Variants in THSD4 observed in about 807,000 individuals in gnomAD.
The protein encoded by THSD4 is thrombospondin type 1 domain containing 4.
THSD4 carries 69 observed loss-of-function variants against 119.0 expected under a neutral mutation model. That is an observed-to-expected ratio of 0.58 (90% CI 0.48 to 0.71). The LOEUF (loss-of-function observed/expected upper bound fraction) is 0.71, where lower values mean the gene tolerates loss of function less well. THSD4 is among the 30% of genes least tolerant of loss of function. THSD4 has a pLI of 0.00. For missense variants in THSD4, 1,393 were observed against 1,391.1 expected, an observed-to-expected ratio of 1.00 and a Z score of -0.02; for synonymous variants, 524 against 540.4, an observed-to-expected ratio of 0.97 and a Z score of 0.42.
chr15:71,605,546 G>A (rs1237120231), intron 7 of THSD4, among the ~76,000 whole-genome samples: 1 of 152,218 alleles, frequency 6.6e-6, no homozygotes, highest in Non-Finnish European at 1.5e-5. Flanking sequence ...TGGACCACAT[G>A]GCAGCAGTGG....
At chr15:71,751,044 G>GGTCT (rs1432488031) in intron 14 of THSD4, among the ~76,000 whole-genome samples, 1 of 152,120 alleles carries the variant, frequency 6.6e-6, no homozygotes, top group Non-Finnish European at 1.5e-5. Flanking sequence ...GGTGTCAAGA[G>GGTCT]GTCTCCTTTT....
intron 7 of THSD4, among the ~76,000 whole-genome samples, chr15:71,559,111 G>C (rs1471208331): frequency 6.6e-6 from 1 of 152,154 alleles, no homozygotes; most frequent in Non-Finnish European, 1.5e-5. Flanking sequence ...CAAGTCTTCT[G>C]TGTCTTTTCT....
At chr15:71,479,706 C>T (rs1189591211) in intron 7 of THSD4, among the ~76,000 whole-genome samples, 1 of 151,864 alleles carries the variant, frequency 6.6e-6, no homozygotes, top group Non-Finnish European at 1.5e-5. Context: ...AAGTACGTAC[C>T]CTTCACTCTT....
At chr15:71,227,595 A>G (rs941901446) in intron 4 of THSD4, among the ~76,000 whole-genome samples, 2 of 152,228 alleles carry the variant, frequency 1.3e-5, no homozygotes, top group South Asian at 2.1e-4. Flanking sequence ...GTGCCACATC[A>G]TTGACATGTA....
intron 8 of THSD4, among the ~76,000 whole-genome samples, chr15:71,724,574 T>C (rs1417945470): frequency 2.7e-5 from 1 of 36,856 alleles, no homozygotes; most frequent in Non-Finnish European, 1.4e-4. Context: ...CGTGAGGCAC[T>C]ACGCCCAGTC....
chr15:71,300,578 C>G (rs527508850), intron 6 of THSD4, among the ~76,000 whole-genome samples: 1 of 152,170 alleles, frequency 6.6e-6, no homozygotes, highest in African/African-American at 2.4e-5. Flanking sequence ...AGCACATATT[C>G]TAGGCAGGGT....
At chr15:71,538,782 A>G (rs2048720257) in intron 7 of THSD4, among the ~76,000 whole-genome samples, 1 of 152,370 alleles carries the variant, frequency 6.6e-6, no homozygotes, top group East Asian at 1.9e-4. Flanking sequence ...CTTGAAACAA[A>G]GAATACAGTC....
intron 7 of THSD4, among the ~76,000 whole-genome samples, chr15:71,631,948 G>A (rs776359492): frequency 7.2e-5 from 11 of 152,208 alleles, no homozygotes; most frequent in Non-Finnish European, 1.3e-4. Flanking sequence ...CACTACAGTT[G>A]TGTTTAGTTC....
intron 3 of THSD4, among the ~76,000 whole-genome samples, chr15:71,195,495 TA>T (rs1451772072): frequency 1.3e-5 from 2 of 152,110 alleles, no homozygotes; most frequent in African/African-American, 4.8e-5. Flanking sequence ...TGGACCCCTC[TA>T]GGGGGCACAG....
chr15:71,615,350 G>A (rs36080253), intron 7 of THSD4, among the ~76,000 whole-genome samples: 21,043 of 152,148 alleles, frequency 0.14, 1,469 homozygotes, highest in Middle Eastern at 0.17. Context: ...AGATAGGTAC[G>A]TAAGTAAATT....
intron 7 of THSD4, among the ~76,000 whole-genome samples, chr15:71,567,161 T>C (rs1183393181): frequency 6.6e-6 from 1 of 152,140 alleles, no homozygotes; most frequent in Non-Finnish European, 1.5e-5. Flanking sequence ...GCGGACCCTA[T>C]AAGAGGCAGC....
At chr15:71,724,266 G>T (rs1350666071) in intron 8 of THSD4, among the ~76,000 whole-genome samples, 2 of 74,604 alleles carry the variant, frequency 2.7e-5, no homozygotes, top group Non-Finnish European at 6.3e-5. Context: ...TCTATGATGG[G>T]ATATATATAT....
intron 7 of THSD4, among the ~76,000 whole-genome samples, chr15:71,550,135 G>T (rs1015087973): frequency 3.3e-5 from 5 of 152,244 alleles, no homozygotes; most frequent in Non-Finnish European, 5.9e-5. Context: ...TACAGATGGG[G>T]CGTATCCCCG....
rs1215564486 is a variant in THSD4, at chr15:71,394,076, A to ATT, written c.1016-17610_1016-17609insTT. On this transcript the variant is annotated intron_variant, in intron 6 of 17. Coordinates refer to ENST00000261862, the MANE Select transcript of THSD4 (RefSeq NM_024817.3). ...GTTAAATGTGAATATCAGATACACA[A>ATT]TATTTTTTTTTTTTTACCATATTTA... 5.8e-4 allele frequency among the ~76,000 whole-genome samples: 40 copies of ATT among 69,342 alleles called. No homozygotes were observed. In the South Asian group the frequency reaches 0.019, roughly 32 times the overall value. The allele number at this position is 69,342 out of a possible 152,430, so 45.5% of individuals were successfully genotyped here. A position where few individuals can be genotyped will look rare whatever the true frequency, so the allele number is the denominator to read the frequency against.
At chr15:71,680,211 T>A (rs973157033) in intron 8 of THSD4, among the ~76,000 whole-genome samples, 5 of 152,320 alleles carry the variant, frequency 3.3e-5, no homozygotes, top group Admixed American at 2.0e-4. Flanking sequence ...GCAGTACTTT[T>A]GAAACCTAGT....
Position 71,321,015 on chromosome 15 carries a change from T to G in THSD4, c.1015+64300T>G, listed in dbSNP as rs927743573. ...TAAGATTCGTTTTGAAAATAAACGT[T>G]AAAACATTTAAACAGAGTATATTGT... On this transcript the variant is annotated intron_variant, in intron 6 of 17. Transcript: ENST00000261862. Among the ~76,000 whole-genome samples the G allele has an allele frequency of 2.6e-5, 4 of 152,226 alleles. No individual in the cohort carries two copies. In the East Asian group the frequency reaches 5.8e-4, roughly 22 times the overall value.
intron 6 of THSD4, among the ~76,000 whole-genome samples, chr15:71,267,699 C>T (rs1464925999): frequency 6.6e-6 from 1 of 152,252 alleles, no homozygotes; most frequent in East Asian, 1.9e-4. Flanking sequence ...CATCAGTGTG[C>T]TGTATTCAGG....
At chr15:71,447,387 T>A (rs1453198872) in intron 7 of THSD4, among the ~76,000 whole-genome samples, 2 of 151,974 alleles carry the variant, frequency 1.3e-5, no homozygotes, top group Non-Finnish European at 2.9e-5. Flanking sequence ...CACCTTGGCT[T>A]CCCAAAGTGC....
At chr15:71,749,607 A>G (rs1275493889) in intron 14 of THSD4, among the ~76,000 whole-genome samples, 1 of 152,128 alleles carries the variant, frequency 6.6e-6, no homozygotes, top group Non-Finnish European at 1.5e-5. Flanking sequence ...ACCGCATTAA[A>G]GTGTAGGTCT....
Sources: allele counts gnomAD v4.1 joint callset (sites outside exome capture counted in the v4.1 genomes callset), GRCh38; gene constraint gnomAD v4.1.1; transcripts MANE v1.5; gene names NCBI Gene and HGNC (gene_info 2026-07-23, HGNC 2026-07-21).